Variants in ANOS1 observed in about 807,000 individuals in gnomAD.
ANOS1 encodes anosmin-1.
Under a neutral mutation model 59.0 loss-of-function variants are expected in ANOS1, and 6 were observed. That is an observed-to-expected ratio of 0.10 (90% CI 0.06 to 0.20). The LOEUF (loss-of-function observed/expected upper bound fraction) is 0.20. ANOS1 is among the 10% of genes least tolerant of loss of function. The probability of loss-of-function intolerance (pLI) is 1.00; values close to 1 mark genes in which losing one functional copy is unlikely to be tolerated. For missense variants in ANOS1, 433 were observed against 542.3 expected (o/e 0.80, Z 2.00); for synonymous variants, 217 against 223.4 (o/e 0.97, Z 0.25).
intron 2 of ANOS1, among the ~76,000 whole-genome samples, chrX:8,632,542 T>C (rs1400872513): frequency 8.9e-6 from 1 of 111,922 alleles, no homozygotes; most frequent in Non-Finnish European, 1.9e-5. Context: ...ATAATTGTTT[T>C]TAAAGTGCCA....
At chrX:8,648,458 C>CAA (rs765958124) in intron 2 of ANOS1, among the ~76,000 whole-genome samples, 1,333 of 48,615 alleles carry the variant, frequency 0.027, 67 homozygotes, top group African/African-American at 0.072. Flanking sequence ...AAAATTCCGT[C>CAA]AAAAAAAAAA....
chrX:8,666,492 T>G (rs943970918), intron 2 of ANOS1, among the ~76,000 whole-genome samples: 3 of 111,917 alleles, frequency 2.7e-5, no homozygotes, highest in Non-Finnish European at 5.6e-5. Flanking sequence ...AGAAAATAAA[T>G]ACATATACAC....
chrX:8,649,291 A>C (rs933039462), intron 2 of ANOS1, among the ~76,000 whole-genome samples: 2 of 112,217 alleles, frequency 1.8e-5, no homozygotes, highest in African/African-American at 6.5e-5. Context: ...AACCCCAAGT[A>C]AGAGCGAGAA....
At chrX:8,660,298 TG>T (rs1932015366) in intron 2 of ANOS1, among the ~76,000 whole-genome samples, 1 of 112,085 alleles carries the variant, frequency 8.9e-6, no homozygotes, top group Non-Finnish European at 1.9e-5. Flanking sequence ...GGCTTAGGTT[TG>T]TTTGTGTTCT....
At chrX:8,658,563 A>G (rs149210812) in intron 2 of ANOS1, among the ~76,000 whole-genome samples, 1 of 112,320 alleles carries the variant, frequency 8.9e-6, no homozygotes, top group South Asian at 3.7e-4. Context: ...TCTGGGACTG[A>G]ATGTATGAAT....
intron 2 of ANOS1, among the ~76,000 whole-genome samples, chrX:8,687,136 C>T (rs1932534939): frequency 9.0e-6 from 1 of 111,236 alleles, no homozygotes; most frequent in Admixed American, 9.6e-5. Flanking sequence ...CAGCAAAAGC[C>T]ATTTGTTAAA....
intron 2 of ANOS1, among the ~76,000 whole-genome samples, chrX:8,627,843 T>TAA (rs764925236): frequency 9.8e-6 from 1 of 101,616 alleles, no homozygotes; most frequent in South Asian, 4.2e-4. Context: ...GCAAGCAATT[T>TAA]AAAAAAAAAA....
chrX:8,550,751 T>C (rs1317577901), intron 9 of ANOS1, among the ~76,000 whole-genome samples: 1 of 107,578 alleles, frequency 9.3e-6, no homozygotes, highest in African/African-American at 3.4e-5. Flanking sequence ...AAATATATCA[T>C]GATGTATCAG....
intron 3 of ANOS1, among the ~76,000 whole-genome samples, chrX:8,622,356 C>A (rs756525691): frequency 4.5e-5 from 5 of 112,001 alleles, no homozygotes; most frequent in African/African-American, 9.7e-5. Context: ...ATATTTTACA[C>A]ACAATACATA....
At chrX:8,551,199 G>A (rs1000063777) in intron 9 of ANOS1, among the ~76,000 whole-genome samples, 5 of 111,700 alleles carry the variant, frequency 4.5e-5, no homozygotes, top group African/African-American at 1.6e-4. Context: ...GTATGAAAGT[G>A]GACTAATACA....
intron 3 of ANOS1, among the ~76,000 whole-genome samples, chrX:8,598,726 C>G (rs973883189): frequency 8.9e-6 from 1 of 112,263 alleles, no homozygotes; most frequent in Non-Finnish European, 1.9e-5. Context: ...CCATTAAAGA[C>G]ACATGAAGTC....
chrX:8,671,489 C>T (rs1277895566), intron 2 of ANOS1, among the ~76,000 whole-genome samples: 1 of 110,450 alleles, frequency 9.1e-6, no homozygotes, highest in Admixed American at 9.8e-5. Flanking sequence ...CATGAAGGCA[C>T]GGTCTATATC....
intron 8 of ANOS1, chrX:8,566,066 C>T (rs764140928): frequency 4.0e-6 from 3 of 753,143 alleles, no homozygotes; most frequent in Admixed American, 8.7e-5. Flanking sequence ...TACACTCATC[C>T]ACGCTGCTGC....
chrX:8,665,990 C>G (rs1932127140), intron 2 of ANOS1, among the ~76,000 whole-genome samples: 1 of 110,826 alleles, frequency 9.0e-6, no homozygotes, highest in Non-Finnish European at 1.9e-5. Context: ...TTGCTTGACC[C>G]CAGGGGTTCA....
At chrX:8,610,307 T>C (rs1356019294) in intron 3 of ANOS1, among the ~76,000 whole-genome samples, 2 of 111,683 alleles carry the variant, frequency 1.8e-5, no homozygotes, top group Non-Finnish European at 3.8e-5. Flanking sequence ...GGACAATAGG[T>C]AGCACAAGAC....
At chrX:8,677,487 G>A (rs941815906) in intron 2 of ANOS1, among the ~76,000 whole-genome samples, 2 of 111,421 alleles carry the variant, frequency 1.8e-5, no homozygotes, top group Non-Finnish European at 3.8e-5. Context: ...AATGTTGGAC[G>A]GATGGATACC....
intron 2 of ANOS1, among the ~76,000 whole-genome samples, chrX:8,629,476 C>T (rs1484083340): frequency 2.7e-5 from 3 of 111,645 alleles, no homozygotes; most frequent in Non-Finnish European, 5.6e-5. Flanking sequence ...GATATCTGTA[C>T]ACTGAAAAGT....
chrX:8,570,829 T>C (rs1031739418), intron 6 of ANOS1, 125 bp from the exon 7 acceptor site: 22 of 622,141 alleles, frequency 3.5e-5, no homozygotes, highest in Non-Finnish European at 5.4e-5. Flanking sequence ...AAAACGGGGG[T>C]GGAGGGGCAT....
intron 9 of ANOS1, among the ~76,000 whole-genome samples, chrX:8,553,596 C>T (rs1389885699): frequency 1.8e-5 from 2 of 111,106 alleles, no homozygotes; most frequent in African/African-American, 3.3e-5. Flanking sequence ...GACTTTCCCC[C>T]CCTACTTTCT....
Sources: allele counts gnomAD v4.1 joint callset (sites outside exome capture counted in the v4.1 genomes callset), GRCh38; gene constraint gnomAD v4.1.1; transcripts MANE v1.5; gene names NCBI Gene and HGNC (gene_info 2026-07-23, HGNC 2026-07-21).